The following C9orf85 variants were observed in gnomAD, a reference collection of about 807,000 sequenced individuals.
C9orf85 encodes the protein uncharacterized protein C9orf85.
Under a neutral mutation model 14.9 loss-of-function variants are expected in C9orf85, and 16 were observed. That is an observed-to-expected ratio of 1.08 (90% CI 0.73 to 1.63). C9orf85 has a LOEUF of 1.63. C9orf85 is among the 40% of genes most tolerant of loss of function. The pLI is 0.00. For missense variants in C9orf85, 172 were observed against 186.1 expected (o/e 0.92, Z 0.44); for synonymous variants, 45 against 56.8 (o/e 0.79, Z 0.93).
chr9:71,912,008 C>G (rs1827511238), intron 1 of C9orf85, 172 bp downstream of exon 1: 1 of 683,148 alleles, frequency 1.5e-6, no homozygotes. Context: ...CTTTCTTTGA[C>G]CTGGACATGT....
chr9:71,966,633 C>T (rs953055788), intron 2 of C9orf85, among the ~76,000 whole-genome samples: 15 of 151,804 alleles, frequency 9.9e-5, no homozygotes, highest in Admixed American at 2.6e-4. Flanking sequence ...ATAAAAAAAA[C>T]GCAAAGGCAA....
chr9:71,952,813 T>C (rs1312928438), intron 2 of C9orf85, among the ~76,000 whole-genome samples: 1 of 151,912 alleles, frequency 6.6e-6, no homozygotes. Context: ...AATTTAGAAA[T>C]GTGGCAGACG....
downstream of C9orf85, among the ~76,000 whole-genome samples, chr9:71,974,573 A>C (rs1822969376): frequency 1.3e-5 from 2 of 152,110 alleles, no homozygotes; most frequent in Admixed American, 1.3e-4. Context: ...ATTGAGAGAC[A>C]TTTGAGTTAT....
chr9:71,953,889 AG>A (rs1254665646), intron 2 of C9orf85, among the ~76,000 whole-genome samples: 1 of 152,082 alleles, frequency 6.6e-6, no homozygotes, highest in Non-Finnish European at 1.5e-5. Context: ...ACTTGATTCT[AG>A]GAGTTTGAGA....
Position 71,946,103 on chromosome 9 carries a change from T to C in C9orf85, c.103-903T>C, listed in dbSNP as rs1023539185. Among the ~76,000 whole-genome samples the C allele has an allele frequency of 2.6e-5, 4 of 152,218 alleles. No homozygotes were observed. The East Asian group carries it at 7.7e-4, about 29-fold the overall frequency. ...CCTTTCTCCACTACAGATATTTACATACAAATACATATTATTTAAGTTTGA... is the reference window on the plus strand; with the variant it reads ...CCTTTCTCCACTACAGATATTTACACACAAATACATATTATTTAAGTTTGA... On this transcript the variant is annotated intron_variant, in intron 1 of 3. Coordinates refer to ENST00000334731, the MANE Select transcript of C9orf85 (RefSeq NM_182505.5).
intron 2 of C9orf85, among the ~76,000 whole-genome samples, chr9:71,964,980 C>T (rs541822277): frequency 2.0e-4 from 30 of 152,314 alleles, no homozygotes; most frequent in African/African-American, 6.5e-4. Flanking sequence ...AGATCAGGAG[C>T]ACAGCGGACA....
intron 2 of C9orf85, among the ~76,000 whole-genome samples, chr9:71,969,003 G>A (rs1969814): frequency 0.94 from 143,112 of 152,158 alleles, 67,858 homozygotes; most frequent in East Asian, 1. Context: ...GACTCAGGAC[G>A]GAGCAGGTGA....
At chr9:71,913,541 T>C (rs1050304427) in intron 1 of C9orf85, among the ~76,000 whole-genome samples, 2 of 152,208 alleles carry the variant, frequency 1.3e-5, no homozygotes, top group African/African-American at 4.8e-5. Flanking sequence ...TTTTTCAGAA[T>C]GAAAACCTGA....
chr9:71,919,788 G>A (rs1827747356), intron 1 of C9orf85, among the ~76,000 whole-genome samples: 1 of 151,228 alleles, frequency 6.6e-6, no homozygotes, highest in South Asian at 2.1e-4. Flanking sequence ...GCTTGGGGAT[G>A]TTCCATATAC....
At chr9:71,933,390 A>T (rs1194566777) in intron 1 of C9orf85, among the ~76,000 whole-genome samples, 3 of 152,154 alleles carry the variant, frequency 2.0e-5, no homozygotes, top group Non-Finnish European at 4.4e-5. Context: ...ATTTAGAATA[A>T]TCCCCCTGTT....
chr9:71,970,669 G>A (rs1470531298), intron 2 of C9orf85, among the ~76,000 whole-genome samples: 3 of 152,028 alleles, frequency 2.0e-5, no homozygotes, highest in African/African-American at 7.2e-5. Flanking sequence ...TTTCAAGATT[G>A]TTTTGGCTAT....
At chr9:71,970,051 TCTCCTGC>T (rs1375194619) in intron 2 of C9orf85, among the ~76,000 whole-genome samples, 1 of 152,074 alleles carries the variant, frequency 6.6e-6, no homozygotes, top group East Asian at 1.9e-4. Flanking sequence ...TTCAAGCAAT[TCTCCTGC>T]CTCAGCCTCT....
chr9:71,963,992 G>T (rs113960250), intron 2 of C9orf85, among the ~76,000 whole-genome samples: 1 of 152,200 alleles, frequency 6.6e-6, no homozygotes, highest in African/African-American at 2.4e-5. Flanking sequence ...GGTGAAGCCA[G>T]CTGGGCTCCT....
At chr9:71,974,344 A>C (rs958978667), downstream of C9orf85, among the ~76,000 whole-genome samples, 2 of 151,528 alleles carry the variant, frequency 1.3e-5, no homozygotes, top group African/African-American at 4.9e-5. Flanking sequence ...CCCGGGTTCA[A>C]GTGATTCTCC....
chr9:71,962,371 C>T (rs1389569566), intron 2 of C9orf85, among the ~76,000 whole-genome samples: 2 of 152,044 alleles, frequency 1.3e-5, no homozygotes, highest in Non-Finnish European at 2.9e-5. Flanking sequence ...TGATGTTATC[C>T]CATAGTAAAG....
At chr9:71,940,789 C>G (rs1467415243) in intron 1 of C9orf85, among the ~76,000 whole-genome samples, 1 of 152,082 alleles carries the variant, frequency 6.6e-6, no homozygotes, top group Admixed American at 6.6e-5. Flanking sequence ...TATTAGCACT[C>G]CAAACTAGAA....
chr9:71,964,729 G>T (rs1200382488), intron 2 of C9orf85, among the ~76,000 whole-genome samples: 1 of 152,140 alleles, frequency 6.6e-6, no homozygotes, highest in Admixed American at 6.6e-5. Context: ...CACCAATTCC[G>T]GATACAGTGG....
At chr9:71,932,190 CACACACTCAGTTTGT>C (rs745611698) in intron 1 of C9orf85, among the ~76,000 whole-genome samples, 100 of 152,024 alleles carry the variant, frequency 6.6e-4, no homozygotes, top group African/African-American at 2.2e-3. Flanking sequence ...CCAAGGAGCA[CACACACTCAGTTTGT>C]ACACACTCAG....
intron 1 of C9orf85, among the ~76,000 whole-genome samples, chr9:71,944,667 G>A (rs1312206477): frequency 2.6e-5 from 4 of 152,066 alleles, no homozygotes; most frequent in Non-Finnish European, 4.4e-5. Flanking sequence ...CTAGAACTAG[G>A]ATTAACTTTC....
Sources: gnomAD v4.1 joint callset for allele counts (sites outside exome capture counted in the v4.1 genomes callset) on GRCh38, gnomAD v4.1.1 for gene constraint, MANE v1.5 for transcripts, NCBI Gene and HGNC (gene_info 2026-07-23, HGNC 2026-07-21) for gene names.